Variants in KMT2E observed in about 807,000 individuals in gnomAD.
KMT2E encodes histone reader KMT2E.
In KMT2E, 30 loss-of-function variants were observed where a neutral mutation model predicts 184.6. The ratio of observed to expected loss-of-function variants is 0.16; its 90% CI spans 0.12 to 0.22. The LOEUF (loss-of-function observed/expected upper bound fraction) is 0.22. KMT2E is among the 10% of genes least tolerant of loss of function. The pLI is 1.00. For synonymous variants in KMT2E, 815 were observed against 776.5 expected (o/e 1.05, Z -0.82); for missense variants, 2,023 against 2,237.4 (o/e 0.90, Z 1.93).
In KMT2E at chr7:105,092,796, G is replaced by C. The variant is rs139990499; in HGVS notation, c.1722+1482G>C. 3.4e-3 allele frequency among the ~76,000 whole-genome samples: 518 copies of C among 152,214 alleles called. 6 individuals are homozygous for C. The highest frequency in any genetic ancestry group is 0.017 in the Middle Eastern group (5 of 294). Reference sequence around the variant, plus strand: ...TGGGAATTTTTAGGAAACCAATTTAGAGTATTACTTATTTCTGTGTGTGGC... The same window carrying C: ...TGGGAATTTTTAGGAAACCAATTTACAGTATTACTTATTTCTGTGTGTGGC... On this transcript the variant is annotated intron_variant, in intron 15 of 26. Transcript: ENST00000311117.
At chr7:105,097,167 A>C (rs1562925149) in intron 15 of KMT2E, among the ~76,000 whole-genome samples, 1 of 152,220 alleles carries the variant, frequency 6.6e-6, no homozygotes, top group Admixed American at 6.5e-5. Flanking sequence ...TCACTTTAGA[A>C]TATGCAATGC....
At chr7:105,078,011 G>A (rs1272274347) in intron 11 of KMT2E, among the ~76,000 whole-genome samples, 3 of 152,172 alleles carry the variant, frequency 2.0e-5, no homozygotes, top group African/African-American at 7.2e-5. Context: ...TTGCTTCCCT[G>A]TAGTCTAGAA....
At chr7:105,028,664 A>G (rs1201909434) in intron 1 of KMT2E, among the ~76,000 whole-genome samples, 3 of 151,636 alleles carry the variant, frequency 2.0e-5, no homozygotes, top group African/African-American at 7.3e-5. Flanking sequence ...ACACCTGGCT[A>G]ATTTTCATTT....
chr7:105,064,192 T>TTTTTTTTTTG (rs1796939969), intron 5 of KMT2E: 1 of 291,978 alleles, frequency 3.4e-6, no homozygotes, highest in African/African-American at 2.8e-5. Flanking sequence ...TTTTTTTTTT[T>TTTTTTTTTTG]GACTGGGGGG....
chr7:105,058,386 A>G (rs901457575), intron 3 of KMT2E, among the ~76,000 whole-genome samples: 5 of 152,142 alleles, frequency 3.3e-5, no homozygotes, highest in East Asian at 1.9e-4. Context: ...CTACCTATCA[A>G]CCTTCTACCT....
chr7:105,017,463 A>T (rs1584679635), intron 1 of KMT2E, among the ~76,000 whole-genome samples: 1 of 144,606 alleles, frequency 6.9e-6, no homozygotes, highest in African/African-American at 2.5e-5. Context: ...TAGTTCCTGT[A>T]AAATGATACT....
At chr7:105,068,521 T>TAG (rs1797140167) in intron 6 of KMT2E, among the ~76,000 whole-genome samples, 1 of 151,908 alleles carries the variant, frequency 6.6e-6, no homozygotes, top group African/African-American at 2.4e-5. Flanking sequence ...CACAGCTCAC[T>TAG]GCAGCCTCAG....
At position 105,063,592 on chromosome 7, in the gene KMT2E, T is replaced by TAA. The variant is rs1224923511; in HGVS notation, c.416+13_416+14insAA. 6.7e-7 allele frequency: 1 copy of TAA among 1,492,848 alleles called. No homozygotes were observed. Among genetic ancestry groups the TAA allele is most frequent in the African/African-American group, 1.4e-5 (1 of 71,320 alleles). The allele number at this position is 1,492,848 out of a possible 1,614,324, so 92.5% of individuals were successfully genotyped here. A position where few individuals can be genotyped will look rare whatever the true frequency, so the allele number is the denominator to read the frequency against. On this transcript the variant is annotated intron_variant, in intron 5 of 26. Transcript: ENST00000311117. Reference sequence around the variant, plus strand: ...TGTGACAAATGCAGGTAAAATATTTTACACCATTATTTTATTTTTCTTGAA... The same window carrying TAA: ...TGTGACAAATGCAGGTAAAATATTTTAAACACCATTATTTTATTTTTCTTGAA...
At chr7:105,033,342 A>G (rs1795501845) in intron 1 of KMT2E, among the ~76,000 whole-genome samples, 1 of 152,258 alleles carries the variant, frequency 6.6e-6, no homozygotes, top group African/African-American at 2.4e-5. Context: ...TGTGATAATT[A>G]TAGAGTTGCA....
Position 105,090,064 on chromosome 7 carries a change from A to G in KMT2E, c.1414A>G (p.Lys472Glu). 6.2e-7 allele frequency: 1 copy of G among 1,613,848 alleles called. No homozygotes were observed. Among genetic ancestry groups the G allele is most frequent in the Non-Finnish European group, 8.5e-7 (1 of 1,179,906 alleles). The change falls in exon 14 of 27, where the codon AAA becomes GAA. Residue 472 changes from lysine (K) to glutamate (E), a missense_variant. Lys to Glu is a moderately conservative substitution (Grantham distance 56). This residue lies in a region of KMT2E where 514 missense variants were observed against 621.8 expected (regional missense o/e 0.83). Transcript: ENST00000311117. ...LKENPECPVL[K>E]RSSESMENIN... ...AGAAAACCCAGAGTGCCCTGTTCTA[A>G]AACGTAGTTCTGAATCCATGGAAAA...
At chr7:105,058,312 G>A (rs979940960) in intron 3 of KMT2E, among the ~76,000 whole-genome samples, 3 of 152,108 alleles carry the variant, frequency 2.0e-5, no homozygotes, top group Non-Finnish European at 1.5e-5. Context: ...GGCAAATAAA[G>A]CTTGGTTGTC....
chr7:105,059,972 G>A (rs1469168035), intron 3 of KMT2E, among the ~76,000 whole-genome samples: 2 of 58,816 alleles, frequency 3.4e-5, no homozygotes, highest in Admixed American at 1.9e-4. Flanking sequence ...TGATTTTCTT[G>A]TTGTTGTTTT....
rs775045007 is a variant in KMT2E at position 105,109,083 on chromosome 7, G to C, written c.3610G>C (p.Asp1204His). The C allele has an allele frequency of 2.0e-5, 33 of 1,614,160 alleles. 2 individuals carry two copies. The South Asian group carries it at 3.4e-4, about 17-fold the overall frequency. ...TGGTGATGGCTGTGCCAGCAGTAATGACAATGGGGAGCAGGTGGACCACAC... is the reference window on the plus strand; with the variant it reads ...TGGTGATGGCTGTGCCAGCAGTAATCACAATGGGGAGCAGGTGGACCACAC... ...NNGDGCASSNDNGEQVDHTAS... is the reference protein window; with the variant it reads ...NNGDGCASSNHNGEQVDHTAS... Residue 1204 changes from aspartate to histidine, a missense_variant, in exon 23 of 27, where the codon GAC (aspartate) becomes CAC (histidine). Around this residue, in one of 8 missense-constraint regions of KMT2E, gnomAD observed 1,108 missense variants for 1,050.9 expected, o/e 1.05. Coordinates refer to ENST00000311117, the MANE Select transcript of KMT2E (RefSeq NM_182931.3).
intron 1 of KMT2E, among the ~76,000 whole-genome samples, chr7:105,027,007 T>C (rs552985146): frequency 6.6e-6 from 1 of 152,100 alleles, no homozygotes; most frequent in Non-Finnish European, 1.5e-5. Flanking sequence ...GAGTGACTGA[T>C]GAGCTCACTA....
At chr7:105,064,164 G>GTTTTTTTTTTTTTT (rs66946883) in intron 5 of KMT2E, 6 of 74,152 alleles carry the variant, frequency 8.1e-5, no homozygotes, top group Non-Finnish European at 9.6e-5. Flanking sequence ...TTTTTTCTTG[G>GTTTTTTTTTTTTTT]TTTTTTTTTT....
At chr7:105,071,922 ATG>A (rs1797338261) in intron 6 of KMT2E, among the ~76,000 whole-genome samples, 1 of 149,922 alleles carries the variant, frequency 6.7e-6, no homozygotes, top group Admixed American at 6.6e-5. Flanking sequence ...AGGTGTCTCT[ATG>A]TGGTTTTGTT....
intron 23 of KMT2E, among the ~76,000 whole-genome samples, 167 bp from the exon 24 acceptor site, chr7:105,110,113 G>C (rs1799137949): frequency 6.6e-6 from 1 of 152,096 alleles, no homozygotes; most frequent in South Asian, 2.1e-4. Flanking sequence ...GATTACAGGC[G>C]TGAGCCACTG....
rs778219451 is a variant in KMT2E at position 105,105,905 on chromosome 7, A to G, written c.2498A>G (p.His833Arg). The change falls in exon 19 of 27, where the codon CAT becomes CGT. Residue 833 changes from histidine (H) to arginine (R), a missense_variant. Physicochemically the swap from His to Arg is conservative, Grantham distance 29. Around this residue, in one of 8 missense-constraint regions of KMT2E, gnomAD observed 514 missense variants for 621.8 expected, o/e 0.83. Coordinates refer to ENST00000311117, the MANE Select transcript of KMT2E (RefSeq NM_182931.3). ...ALEEENSAIL[H>R]RFNSPCQERS... The stretch of plus-strand genomic sequence containing the variant: ...GAAGAAGAAAATTCAGCAATTTTAC[A>G]TAGATTTAATTCACCCTGTCAAGAA... 47 of 1,613,378 alleles carry G rather than the reference A, an allele frequency of 2.9e-5. No individual in the cohort carries two copies. The highest frequency in any genetic ancestry group is 3.6e-5 in the Non-Finnish European group (43 of 1,179,754).
rs1349837110 is a variant in KMT2E at position 105,112,368 on chromosome 7, A to G, written c.4612A>G (p.Ser1538Gly). 1 of 1,613,010 alleles carries G rather than the reference A, an allele frequency of 6.2e-7. No individual in the cohort carries two copies. The highest frequency in any genetic ancestry group is 8.5e-7 in the Non-Finnish European group (1 of 1,180,022). Residue 1538 changes from serine (S) to glycine (G), a missense_variant, in exon 27 of 27, where the codon AGT becomes GGT. Ser to Gly is a moderately conservative substitution (Grantham distance 56). Transcript: ENST00000311117. ...AACATACAGTCAGTTTAACCAACAA[A>G]GTCTGAACAGCACGGCACCACCCCC... ...SATYSQFNQQ[S>G]LNSTAPPPPP...
Sources: gnomAD v4.1 joint callset for allele counts (sites outside exome capture counted in the v4.1 genomes callset) on GRCh38, gnomAD v4.1.1 for gene constraint, gnomAD v4.1.1 regional missense constraint, MANE v1.5 for transcripts, NCBI Gene and HGNC (gene_info 2026-07-23, HGNC 2026-07-21) for gene names.